Variants in SLC18A1 observed in about 807,000 individuals in gnomAD.
The protein encoded by SLC18A1 is solute carrier family 18 member A1.
SLC18A1 carries 69 observed loss-of-function variants against 53.7 expected under a neutral mutation model. That is an observed-to-expected ratio of 1.28 (90% CI 1.06 to 1.57). The LOEUF is 1.57. Ranked by LOEUF, SLC18A1 falls within the 40% of genes most tolerant of loss-of-function variation. The pLI is 0.00. For synonymous variants in SLC18A1, 320 were observed against 248.1 expected, an observed-to-expected ratio of 1.29 and a Z score of -2.72; for missense variants, 932 against 668.1, an observed-to-expected ratio of 1.40 and a Z score of -4.35.
At chr8:20,153,522 CA>C (rs1211524875) in intron 10 of SLC18A1, among the ~76,000 whole-genome samples, 1 of 151,932 alleles carries the variant, frequency 6.6e-6, no homozygotes, top group Non-Finnish European at 1.5e-5. Context: ...CTAAAAAATA[CA>C]AAAAATTAGC....
chr8:20,154,572 T>C (rs2088343), intron 10 of SLC18A1, among the ~76,000 whole-genome samples: 47,741 of 152,006 alleles, frequency 0.31, 9,141 homozygotes, highest in African/African-American at 0.53. Context: ...CATCTAGATG[T>C]TGCAGGAAAA....
chr8:20,155,037 G>A (rs1015586798), intron 10 of SLC18A1, among the ~76,000 whole-genome samples: 4 of 152,096 alleles, frequency 2.6e-5, no homozygotes, highest in East Asian at 1.9e-4. Flanking sequence ...TGCATTCCAC[G>A]GTTCTCTTCT....
intron 11 of SLC18A1, among the ~76,000 whole-genome samples, chr8:20,150,118 C>T (rs2071512993): frequency 6.6e-6 from 1 of 152,202 alleles, no homozygotes; most frequent in South Asian, 2.1e-4. Context: ...TCAAAAAACA[C>T]AGAAAGTACC....
At chr8:20,176,659 A>G (rs1347752069) in intron 4 of SLC18A1, among the ~76,000 whole-genome samples, 1 of 152,102 alleles carries the variant, frequency 6.6e-6, no homozygotes, top group Non-Finnish European at 1.5e-5. Context: ...TCTTTTAAGT[A>G]TTTTTTAGAA....
chr8:20,160,212 T>C (rs187400459), intron 10 of SLC18A1, among the ~76,000 whole-genome samples: 1 of 150,406 alleles, frequency 6.6e-6, no homozygotes, highest in Non-Finnish European at 1.5e-5. Flanking sequence ...CATTCGTTTA[T>C]ATTTAATTGC....
intron 2 of SLC18A1, among the ~76,000 whole-genome samples, chr8:20,180,131 T>TGTGTGTGA (rs2072387131): frequency 6.6e-6 from 1 of 151,964 alleles, no homozygotes. Flanking sequence ...TGTGTGTGTG[T>TGTGTGTGA]GTGTGTGTGT....
chr8:20,172,215 T>C (rs2072140684), intron 6 of SLC18A1, among the ~76,000 whole-genome samples: 1 of 152,180 alleles, frequency 6.6e-6, no homozygotes, highest in Admixed American at 6.5e-5. Context: ...AGCTTGTTCA[T>C]TTGGGAGCTT....
Position 20,181,048 on chromosome 8 carries a change from T to C in SLC18A1, c.-84A>G, listed in dbSNP as rs2072417279. The C allele has an allele frequency of 3.4e-6, 5 of 1,480,624 alleles. No individual in the cohort carries two copies. Among genetic ancestry groups the C allele is most frequent in the Admixed American group, 2.2e-5 (1 of 46,104 alleles). The allele number at this position is 1,480,624 out of a possible 1,614,324, so 91.7% of individuals were successfully genotyped here. ...AGCTACAGGTCTCCTGCAGCCTTTA[T>C]GGAAGAGGGGAGGGAGTCTGCCCAG... On this transcript the variant is annotated 5_prime_UTR_variant, in exon 2 of 16. Transcript: ENST00000276373.
rs757551885 is a variant in SLC18A1 at position 20,179,312 on chromosome 8, TCCACTAGGTACGCTTTCTTCAACAG to T, written c.272_296del (p.Ala91GlufsTer2). ...TGGCAGTGTCATTCATCCATGCTAT[TCCACTAGGTACGCTTTCTTCAACAG>T]CCACGGTGTTGTTGTTGAAGAAGGA... On this transcript the variant is annotated frameshift_variant, in exon 3 of 16. Transcript: ENST00000276373. LOFTEE classifies it high-confidence loss of function. 1.9e-6 allele frequency: 3 copies of T among 1,614,188 alleles called. No homozygotes were observed. Among genetic ancestry groups the T allele is most frequent in the South Asian group, 2.2e-5 (2 of 91,074 alleles).
In SLC18A1 at chr8:20,147,277, G is replaced by A. The variant is rs776125879; in HGVS notation, c.1445C>T (p.Pro482Leu). Residue 482 changes from proline (P) to leucine (L), a missense_variant, in exon 15 of 16, where the codon CCG (proline) becomes CTG (leucine). By Grantham distance (98) the Pro-to-Leu change is moderately conservative. Transcript: ENST00000276373. ...APLCYYLRSP[P>L]AKEEKLAILS... ...CCTTACAAGCTTCTCTTCCTTTGCCGGGGGGCTCCGCAGGTAGTAGCAGAG... is the reference window on the plus strand; with the variant it reads ...CCTTACAAGCTTCTCTTCCTTTGCCAGGGGGCTCCGCAGGTAGTAGCAGAG... 3.1e-5 allele frequency: 50 copies of A among 1,605,336 alleles called. No homozygotes were observed. Among genetic ancestry groups the A allele is most frequent in the Middle Eastern group, 1.7e-4 (1 of 5,932 alleles).
In SLC18A1 at chr8:20,180,933, C is replaced by A; in HGVS notation, c.32G>T (p.Arg11Leu). Residue 11 changes from arginine (R) to leucine (L), a missense_variant, in exon 2 of 16, where the codon CGG becomes CTG. Arg to Leu is a moderately radical substitution (Grantham distance 102). Coordinates refer to ENST00000276373, the MANE Select transcript of SLC18A1 (RefSeq NM_003053.4). Reference sequence around the variant, plus strand: ...GGACGCTCTCCCCTCCTTCAGCAACCGCTGGGGAGCATCCAGAATGGTCCG... The same window carrying A: ...GGACGCTCTCCCCTCCTTCAGCAACAGCTGGGGAGCATCCAGAATGGTCCG... MLRTILDAPQ[R>L]LLKEGRASRQ... 6.3e-7 allele frequency: 1 copy of A among 1,598,580 alleles called. No homozygotes were observed. Among genetic ancestry groups the A allele is most frequent in the Admixed American group, 1.8e-5 (1 of 57,102 alleles).
rs2071377339 is a variant in SLC18A1, at chr8:20,145,711, G to C, written c.*52C>G. 2 of 1,204,904 alleles carry C rather than the reference G, an allele frequency of 1.7e-6. No individual in the cohort carries two copies. Among genetic ancestry groups the C allele is most frequent in the African/African-American group, 3.0e-5 (2 of 66,476 alleles). The allele number at this position is 1,204,904 out of a possible 1,614,324, so 74.6% of individuals were successfully genotyped here. On this transcript the variant is annotated 3_prime_UTR_variant, in exon 16 of 16. Transcript: ENST00000276373. ...GCTCAGCCATGGTGATCTGGTCCCA[G>C]GGAAAGAGGTGGTCACTGAGGCATC...
chr8:20,182,719 C>T (rs1158463146), intron 1 of SLC18A1, among the ~76,000 whole-genome samples: 2 of 152,168 alleles, frequency 1.3e-5, no homozygotes, highest in Non-Finnish European at 2.9e-5. Context: ...GACCAAGGTC[C>T]TAAGTGAACC....
Position 20,179,268 on chromosome 8 carries a change from G to T in SLC18A1, c.341C>A (p.Ala114Asp). 6.2e-7 allele frequency: 1 copy of T among 1,614,206 alleles called. No individual in the cohort carries two copies. The highest frequency in any genetic ancestry group is 8.5e-7 in the Non-Finnish European group (1 of 1,180,050). ...NDTASTIPPP[A>D]TEAISAHKNN... ...TTTATGAGCTGAGATGGCTTCAGTG[G>T]CTGGAGGTGGGATGGTGCTGGCAGT... Residue 114 changes from alanine (A) to aspartate (D), a missense_variant, in exon 3 of 16, where the codon GCC becomes GAC. Coordinates refer to ENST00000276373, the MANE Select transcript of SLC18A1 (RefSeq NM_003053.4).
At chr8:20,149,601 TC>T in intron 12 of SLC18A1, 74 bp downstream of exon 12, 1 of 1,170,958 alleles carries the variant, frequency 8.5e-7, no homozygotes, top group Non-Finnish European at 1.3e-6. Flanking sequence ...TCTCTCTCTC[TC>T]TCTCTCTCTC....
intron 7 of SLC18A1, 29 bp from the exon 8 acceptor site, chr8:20,171,175 A>G (rs1350520824): frequency 1.2e-6 from 2 of 1,613,710 alleles, no homozygotes; most frequent in Non-Finnish European, 1.7e-6. Context: ...GAGACAGTTC[A>G]GCGTGTCTAC....
Position 20,147,605 on chromosome 8 carries a change from A to T in SLC18A1, c.1328T>A (p.Ile443Lys), listed in dbSNP as rs767066336. The T allele has an allele frequency of 2.5e-6, 4 of 1,614,130 alleles. No individual in the cohort carries two copies. The South Asian group carries it at 4.4e-5, about 18-fold the overall frequency. The change falls in exon 14 of 16, where the codon ATA becomes AAA. Residue 443 changes from isoleucine (I) to lysine (K), a missense_variant and splice_region_variant. Transcript: ENST00000276373. ...GGCACCAGGTCCTGCCAACATACCTATAGCAAAGCCCATGCAAAAAGCCAC... is the reference window on the plus strand; with the variant it reads ...GGCACCAGGTCCTGCCAACATACCTTTAGCAAAGCCCATGCAAAAAGCCAC... Reference protein sequence around the residue: ...ADVAFCMGFAIGPSTGGAIVK... With the variant: ...ADVAFCMGFAKGPSTGGAIVK...
intron 10 of SLC18A1, among the ~76,000 whole-genome samples, chr8:20,164,144 G>T (rs921663293): frequency 2.0e-5 from 3 of 151,998 alleles, no homozygotes; most frequent in Admixed American, 6.5e-5. Context: ...TTCCCCTCTG[G>T]CCCCGTAAGC....
intron 14 of SLC18A1, 86 bp from the exon 15 acceptor site, chr8:20,147,477 G>T: frequency 1.3e-6 from 2 of 1,570,560 alleles, no homozygotes; most frequent in African/African-American, 1.3e-5. Flanking sequence ...TAGGGGCAGT[G>T]GGTGACCCAG....
Sources: gnomAD v4.1 joint callset for allele counts (sites outside exome capture counted in the v4.1 genomes callset) on GRCh38, gnomAD v4.1.1 for gene constraint, MANE v1.5 for transcripts, NCBI Gene and HGNC (gene_info 2026-07-23, HGNC 2026-07-21) for gene names.